ABCA1: variants seen among roughly 807,000 people sequenced by gnomAD.
The protein encoded by ABCA1 is phospholipid-transporting ATPase ABCA1.
A neutral mutation model predicts 262.5 loss-of-function variants in ABCA1; 133 were observed. The ratio of observed to expected loss-of-function variants is 0.51; its 90% confidence interval spans 0.44 to 0.59. ABCA1 has a LOEUF of 0.59. ABCA1 is among the 20% of genes least tolerant of loss of function. The pLI is 0.00. For synonymous variants in ABCA1, 1,022 were observed against 1,043.5 expected, an observed-to-expected ratio of 0.98 and a Z score of 0.40; for missense variants, 2,452 against 2,777.5, an observed-to-expected ratio of 0.88 and a Z score of 2.63.
At chr9:104,841,728 T>A (rs996440428) in intron 8 of ABCA1, among the ~76,000 whole-genome samples, 1 of 152,144 alleles carries the variant, frequency 6.6e-6, no homozygotes, top group Non-Finnish European at 1.5e-5. Context: ...GTGCCCTGCA[T>A]AGAACAGTCC....
chr9:104,901,347 C>T (rs76302413), intron 2 of ABCA1, among the ~76,000 whole-genome samples: 343 of 152,240 alleles, frequency 2.3e-3, no homozygotes, highest in Admixed American at 4.8e-3. Context: ...CTGCTTTGTA[C>T]CTCAGCTTTC....
rs994560450 is a variant in ABCA1, at chr9:104,860,464, T to C, written c.543+1215A>G. Among the ~76,000 whole-genome samples the C allele has an allele frequency of 2.6e-5, 4 of 152,212 alleles. No individual in the cohort carries two copies. The East Asian group carries it at 5.8e-4, about 22-fold the overall frequency. ...CACATTTTTCTAATTTTAAAAATTCTAGATCATGTGAAGCAAAAAGCTTAT... is the reference window on the plus strand; with the variant it reads ...CACATTTTTCTAATTTTAAAAATTCCAGATCATGTGAAGCAAAAAGCTTAT... On this transcript the variant is annotated intron_variant, in intron 6 of 49. Transcript: ENST00000374736.
chr9:104,923,959 G>C (rs528187570), intron 1 of ABCA1, among the ~76,000 whole-genome samples: 3 of 152,194 alleles, frequency 2.0e-5, no homozygotes, highest in Non-Finnish European at 4.4e-5. Context: ...TGAGGATCAC[G>C]TGAGCGCAGG....
Position 104,812,854 on chromosome 9 carries a change from G to A in ABCA1, c.3902-132C>T, listed in dbSNP as rs41456149. 149 of 1,162,884 alleles carry A rather than the reference G, an allele frequency of 1.3e-4. No homozygotes were observed. In the African/African-American group the frequency reaches 2.1e-3, roughly 16 times the overall value. The allele number at this position is 1,162,884 out of a possible 1,614,324, so 72.0% of individuals were successfully genotyped here. On this transcript the variant is annotated intron_variant, in intron 27 of 49. Coordinates refer to ENST00000374736, the MANE Select transcript of ABCA1 (RefSeq NM_005502.4). ...AAGCTAGAAGTTTCTCAGAAGTAAA[G>A]GGCTTTCATGACAAAGCTATGTCCA...
At chr9:104,824,758 C>T (rs1832675175) in intron 17 of ABCA1, among the ~76,000 whole-genome samples, 180 bp from the exon 18 acceptor site, 1 of 152,216 alleles carries the variant, frequency 6.6e-6, no homozygotes, top group African/African-American at 2.4e-5. Context: ...ACATTCTGCA[C>T]CTCTGTAAGT....
intron 28 of ABCA1, among the ~76,000 whole-genome samples, chr9:104,811,815 G>A (rs1365042960): frequency 1.3e-5 from 2 of 152,144 alleles, no homozygotes; most frequent in Non-Finnish European, 2.9e-5. Flanking sequence ...AGGTAACTGA[G>A]GATCAGAGAG....
chr9:104,791,843 C>G, intron 43 of ABCA1, 93 bp downstream of exon 43: 1 of 1,313,598 alleles, frequency 7.6e-7, no homozygotes, highest in South Asian at 1.2e-5. Context: ...CCTTTAAAAT[C>G]CACTTTTACC....
In ABCA1 at chr9:104,795,997, C is replaced by T. The variant is rs1588217573; in HGVS notation, c.5382+56G>A. The T allele has an allele frequency of 2.5e-6, 4 of 1,608,832 alleles. No individual in the cohort carries two copies. In the East Asian group the frequency reaches 8.9e-5, roughly 36 times the overall value. On this transcript the variant is annotated intron_variant, in intron 39 of 49. Transcript: ENST00000374736. ...GAATAAGATCACAATTAAACACTGT[C>T]CTCTGGCTCCCAGAGATGCTCATCC...
At chr9:104,804,282 T>G (rs1054745420) in intron 32 of ABCA1, among the ~76,000 whole-genome samples, 1 of 152,232 alleles carries the variant, frequency 6.6e-6, no homozygotes, top group African/African-American at 2.4e-5. Context: ...TTAGTCCTCA[T>G]GACAAACTTA....
intron 8 of ABCA1, among the ~76,000 whole-genome samples, chr9:104,842,507 C>G (rs143042421): frequency 2.0e-5 from 3 of 152,272 alleles, no homozygotes; most frequent in Non-Finnish European, 2.9e-5. Context: ...TGAGTTATTC[C>G]AAACTATTGA....
chr9:104,862,637 G>GCCCCCCCCCCCCCCCC (rs1554729290), intron 5 of ABCA1, among the ~76,000 whole-genome samples: 1 of 1,714 alleles, frequency 5.8e-4, no homozygotes, highest in East Asian at 0.026. Context: ...AGACTGCCGG[G>GCCCCCCCCCCCCCCCC]CCGGGCCGGG....
At chr9:104,915,449 GAAGA>G (rs1841786619) in intron 1 of ABCA1, among the ~76,000 whole-genome samples, 1 of 152,168 alleles carries the variant, frequency 6.6e-6, no homozygotes, top group African/African-American at 2.4e-5. Context: ...TAAATTAAGA[GAAGA>G]AAGGGGAATA....
At chr9:104,916,877 G>A (rs1841877743) in intron 1 of ABCA1, among the ~76,000 whole-genome samples, 1 of 152,120 alleles carries the variant, frequency 6.6e-6, no homozygotes, top group African/African-American at 2.4e-5. Flanking sequence ...AGAAGCTGAA[G>A]TGGATGACCT....
rs368610713 is a variant in ABCA1 at position 104,823,866 on chromosome 9, CAG to C, written c.2656+597_2656+598del. Among the ~76,000 whole-genome samples, 87 of 152,228 alleles carry C rather than the reference CAG, an allele frequency of 5.7e-4. 1 individual carries two copies. The East Asian group carries it at 0.011, about 20-fold the overall frequency. ...GCATCATACTTTTACCAAGGGCAAT[CAG>C]GGGATGGGCACAGAAGAGACTGGCA... On this transcript the variant is annotated intron_variant, in intron 18 of 49. Transcript: ENST00000374736.
At chr9:104,906,378 T>C (rs1205844295) in intron 1 of ABCA1, among the ~76,000 whole-genome samples, 3 of 152,188 alleles carry the variant, frequency 2.0e-5, no homozygotes, top group African/African-American at 7.2e-5. Flanking sequence ...GGATGAGTTT[T>C]CTTGGACAGC....
intron 5 of ABCA1, among the ~76,000 whole-genome samples, chr9:104,881,193 G>A (rs1340119751): frequency 6.6e-6 from 1 of 152,106 alleles, no homozygotes; most frequent in African/African-American, 2.4e-5. Context: ...GTTGTTTTAA[G>A]GCAGTCTCCT....
rs1056525079 is a variant in ABCA1 at position 104,793,099 on chromosome 9, G to T, written c.5636+72C>A. ...GTTCAGTTCAATGCAACCCCCATTGGTGAGTGTTTCCCTGTGCGCCTCCTC... is the reference window on the plus strand; with the variant it reads ...GTTCAGTTCAATGCAACCCCCATTGTTGAGTGTTTCCCTGTGCGCCTCCTC... On this transcript the variant is annotated intron_variant, in intron 41 of 49. Coordinates refer to ENST00000374736, the MANE Select transcript of ABCA1 (RefSeq NM_005502.4). 3.7e-6 allele frequency: 6 copies of T among 1,602,464 alleles called. No individual in the cohort carries two copies. In the Admixed American group the frequency reaches 5.0e-5, roughly 13 times the overall value.
chr9:104,877,793 C>A (rs949861092), intron 5 of ABCA1, among the ~76,000 whole-genome samples: 14 of 152,224 alleles, frequency 9.2e-5, no homozygotes, highest in Admixed American at 7.2e-4. Flanking sequence ...AGGGATGCAG[C>A]ATGGATTTCT....
chr9:104,844,779 C>T (rs1834714182), intron 8 of ABCA1, among the ~76,000 whole-genome samples: 1 of 152,214 alleles, frequency 6.6e-6, no homozygotes, highest in African/African-American at 2.4e-5. Context: ...GCTTCCTATG[C>T]TGGGGGACAC....
Sources: allele counts gnomAD v4.1 joint callset (sites outside exome capture counted in the v4.1 genomes callset), GRCh38; gene constraint gnomAD v4.1.1; transcripts MANE v1.5; gene names NCBI Gene and HGNC (gene_info 2026-07-23, HGNC 2026-07-21).